ALOX12: variants seen among roughly 807,000 people sequenced by gnomAD.
ALOX12 encodes arachidonate 12-lipoxygenase, 12S type.
A neutral mutation model predicts 85.5 loss-of-function variants in ALOX12; 62 were observed. That is an observed-to-expected ratio of 0.73 (90% CI 0.59 to 0.90). The LOEUF (loss-of-function observed/expected upper bound fraction) is 0.90. ALOX12 is among the 40% of genes least tolerant of loss of function. The pLI, the probability that ALOX12 is intolerant of heterozygous loss-of-function variation, is 0.00. For missense variants in ALOX12, 751 were observed against 856.5 expected (o/e 0.88, Z 1.54); for synonymous variants, 299 against 332.7 (o/e 0.90, Z 1.10).
At position 7,000,621 on chromosome 17, in the gene ALOX12, C is replaced by T; in HGVS notation, c.951+142C>T. The stretch of plus-strand genomic sequence containing the variant: ...TCTTCATGTCACTATTTGCCTGTAC[C>T]CTCGTCTCCCCTGCCTCATCCAACT... On this transcript the variant is annotated intron_variant, in intron 7 of 13. Transcript: ENST00000251535. This position sits in a 1 kb window ranked among gnomAD's most constrained non-coding sequence, Gnocchi z 4.6. 1.1e-6 allele frequency: 1 copy of T among 948,520 alleles called. No individual in the cohort carries two copies. The highest frequency in any genetic ancestry group is 1.6e-6 in the Non-Finnish European group (1 of 638,270). 58.8% of individuals were successfully genotyped at this position (948,520 alleles called of 1,614,324 possible).
chr17:7,004,049 T>C (rs1461128192), intron 8 of ALOX12, among the ~76,000 whole-genome samples: 4 of 124,322 alleles, frequency 3.2e-5, no homozygotes, highest in Non-Finnish European at 5.0e-5. Flanking sequence ...AATATTTTAA[T>C]ATTTTTAATT....
intron 8 of ALOX12, among the ~76,000 whole-genome samples, chr17:7,003,170 C>A (rs1177529410): frequency 6.6e-6 from 1 of 152,214 alleles, no homozygotes; most frequent in African/African-American, 2.4e-5. Flanking sequence ...CAGTCCTCTC[C>A]GTGTCTCCAC....
intron 8 of ALOX12, chr17:7,002,402 C>T: frequency 2.3e-6 from 1 of 434,854 alleles, no homozygotes; most frequent in Non-Finnish European, 4.7e-6. Flanking sequence ...CTGCAGCGTG[C>T]CTGGGTGCAA....
In ALOX12 at chr17:7,010,590, T is replaced by A; in HGVS notation, c.*167T>A. 1 of 811,478 alleles carries A rather than the reference T, an allele frequency of 1.2e-6. No individual in the cohort carries two copies. 50.3% of individuals were successfully genotyped at this position (811,478 alleles called of 1,614,324 possible). A position where few individuals can be genotyped will look rare whatever the true frequency, so the allele number is the denominator to read the frequency against. On this transcript the variant is annotated 3_prime_UTR_variant, in exon 14 of 14. Coordinates refer to ENST00000251535, the MANE Select transcript of ALOX12 (RefSeq NM_000697.3). Reference sequence around the variant, plus strand: ...TAGCCCAGGGGAGCAGTAAACTTTCTCTGCAAAGACTAGATCCTTTTTTAC... The same window carrying A: ...TAGCCCAGGGGAGCAGTAAACTTTCACTGCAAAGACTAGATCCTTTTTTAC...
rs560039777 is a variant in ALOX12 at position 7,010,627 on chromosome 17, C to T, written c.*204C>T. The T allele has an allele frequency of 2.1e-5, 12 of 572,722 alleles. No homozygotes were observed. Among genetic ancestry groups the T allele is most frequent in the East Asian group, 6.1e-5 (2 of 32,974 alleles). The allele number at this position is 572,722 out of a possible 1,614,324, so 35.5% of individuals were successfully genotyped here. On this transcript the variant is annotated 3_prime_UTR_variant, in exon 14 of 14. Coordinates refer to ENST00000251535, the MANE Select transcript of ALOX12 (RefSeq NM_000697.3). ...AGATCCTTTTTTACGCTTTGCAGAC[C>T]GCATAGTCACTGTCTCAACTACTCA... is the stretch of plus-strand genomic sequence containing the variant.
At chr17:7,001,998 G>A (rs1908736944) in intron 8 of ALOX12, 187 bp downstream of exon 8, 1 of 602,864 alleles carries the variant, frequency 1.7e-6, no homozygotes, top group Admixed American at 3.1e-5. Context: ...CATTATATAG[G>A]AATCCTCTGA....
Position 6,999,654 on chromosome 17 carries a change from G to C in ALOX12, c.807+188G>C, listed in dbSNP as rs375234511. The stretch of plus-strand genomic sequence containing the variant: ...ACTATGAGGAGCTCCCAGCAGGAAG[G>C]GGAAAATAGAATGGATCCCCAGCAC... On this transcript the variant is annotated intron_variant, in intron 6 of 13. Coordinates refer to ENST00000251535, the MANE Select transcript of ALOX12 (RefSeq NM_000697.3). 13 of 608,136 alleles carry C rather than the reference G, an allele frequency of 2.1e-5. No individual in the cohort carries two copies. In the East Asian group the frequency reaches 2.4e-4, roughly 11 times the overall value. The allele number at this position is 608,136 out of a possible 1,614,324, so 37.7% of individuals were successfully genotyped here.
chr17:7,010,522 T>C lies in ALOX12; in HGVS notation c.*99T>C. 7.1e-7 allele frequency: 1 copy of C among 1,409,672 alleles called. No individual in the cohort carries two copies. Among genetic ancestry groups the C allele is most frequent in the South Asian group, 1.4e-5 (1 of 69,516 alleles). 87.3% of individuals were successfully genotyped at this position (1,409,672 alleles called of 1,614,324 possible). ...TTCCTAAAGTCTCTGCTGCTAAGGC[T>C]CTATTTCCTCCCCCAGTTAAACCCC... On this transcript the variant is annotated 3_prime_UTR_variant, in exon 14 of 14. Coordinates refer to ENST00000251535, the MANE Select transcript of ALOX12 (RefSeq NM_000697.3).
At chr17:7,006,267 C>T (rs1752229119) in intron 10 of ALOX12, among the ~76,000 whole-genome samples, 1 of 151,818 alleles carries the variant, frequency 6.6e-6, no homozygotes, top group Admixed American at 6.6e-5. Context: ...CTGGAAAAAT[C>T]AGGATTTTCT....
intron 11 of ALOX12, among the ~76,000 whole-genome samples, chr17:7,009,187 G>A (rs1298937532): frequency 1.3e-5 from 2 of 151,662 alleles, no homozygotes; most frequent in African/African-American, 2.4e-5. Flanking sequence ...AGCCTCCCGA[G>A]TACCTGGGAC....
chr17:7,006,070 G>GGGGGGGGGGT, intron 10 of ALOX12, 43 bp downstream of exon 10: 1 of 166,568 alleles, frequency 6.0e-6, no homozygotes. Flanking sequence ...CGGGGGGGGG[G>GGGGGGGGGGT]GGGGCTCTGG....
intron 2 of ALOX12, chr17:6,997,267 T>A: frequency 2.1e-6 from 1 of 469,206 alleles, no homozygotes; most frequent in Non-Finnish European, 2.8e-6. Flanking sequence ...GATCTGGAGA[T>A]CCCATCTTCC....
At chr17:6,996,350 G>T in intron 1 of ALOX12, 98 bp downstream of exon 1, 1 of 1,193,504 alleles carries the variant, frequency 8.4e-7, no homozygotes, top group Non-Finnish European at 1.0e-6. Flanking sequence ...GGCTGGGGGC[G>T]AGGTGACAGC....
intron 7 of ALOX12, 166 bp from the exon 8 acceptor site, chr17:7,001,435 AG>A: frequency 1.4e-6 from 1 of 692,424 alleles, no homozygotes; most frequent in South Asian, 1.8e-5. Context: ...ACCTGACATC[AG>A]GGCACTCCAG....
intron 8 of ALOX12, chr17:7,002,270 G>A: frequency 2.9e-6 from 1 of 339,070 alleles, no homozygotes; most frequent in Non-Finnish European, 5.7e-6. Flanking sequence ...AGGCAAGGAA[G>A]AACAGCCAGC....
intron 8 of ALOX12, among the ~76,000 whole-genome samples, chr17:7,004,548 T>C (rs2151643617): frequency 6.7e-6 from 1 of 150,072 alleles, no homozygotes; most frequent in Admixed American, 6.6e-5. Flanking sequence ...AGGAAAATAT[T>C]TTAATATTAA....
chr17:6,999,424 G>A lies in ALOX12; in HGVS notation c.765G>A (p.Ser255=), dbSNP rs1042356. The A allele has an allele frequency of 0.58, 941,387 of 1,613,090 alleles. 276,300 individuals carry two copies. Among genetic ancestry groups the A allele is most frequent in the Admixed American group, 0.69 (41,252 of 60,002 alleles). Reference sequence around the variant, plus strand: ...TGCCCTCCAGGCTAGTGCTGCCCTCGGGGATGGAAGAGCTTCAGGCTCAAC... The same window carrying A: ...TGCCCTCCAGGCTAGTGCTGCCCTCAGGGATGGAAGAGCTTCAGGCTCAAC... ...TSLPSRLVLP[S]GMEELQAQLE... Residue 255 remains serine (S), a synonymous_variant, in exon 6 of 14, where the codon TCG becomes TCA. Coordinates refer to ENST00000251535, the MANE Select transcript of ALOX12 (RefSeq NM_000697.3).
rs1364468834 is a variant in ALOX12, at chr17:7,000,420, G to GC, written c.898dup (p.Leu300ProfsTer70). On this transcript the variant is annotated frameshift_variant, in exon 7 of 14. Transcript: ENST00000251535. LOFTEE classifies it high-confidence loss of function. This position sits in a 1 kb window ranked among gnomAD's most constrained non-coding sequence, Gnocchi z 4.6. ...CCGAGGAGAGAAGCAATACCTGGCTGCCCCCCTCGTTATGCTGAAGATGGA... is the reference window on the plus strand; with the variant it reads ...CCGAGGAGAGAAGCAATACCTGGCTGCCCCCCCTCGTTATGCTGAAGATGGA... The GC allele has an allele frequency of 1.2e-6, 2 of 1,613,976 alleles. No individual in the cohort carries two copies. The highest frequency in any genetic ancestry group is 2.2e-5 in the East Asian group (1 of 44,894).
rs1908414031 is a variant in ALOX12, at chr17:6,996,102, G to C, written c.-16G>C. 9.6e-6 allele frequency: 12 copies of C among 1,246,456 alleles called. 1 individual carries two copies. Among genetic ancestry groups the C allele is most frequent in the Non-Finnish European group, 1.2e-5 (12 of 988,682 alleles). The allele number at this position is 1,246,456 out of a possible 1,614,324, so 77.2% of individuals were successfully genotyped here. A position where few individuals can be genotyped will look rare whatever the true frequency, so the allele number is the denominator to read the frequency against. On this transcript the variant is annotated 5_prime_UTR_variant, in exon 1 of 14. Coordinates refer to ENST00000251535, the MANE Select transcript of ALOX12 (RefSeq NM_000697.3). The stretch of plus-strand genomic sequence containing the variant: ...ACAGGACCCGGCTCCCCTCGCCTAA[G>C]CTGCTGGGGGGCGCCATGGGCCGCT...
Sources: allele counts gnomAD v4.1 joint callset (sites outside exome capture counted in the v4.1 genomes callset), GRCh38; gene constraint gnomAD v4.1.1; non-coding constraint Gnocchi (gnomAD v3.1); transcripts MANE v1.5; gene names NCBI Gene and HGNC (gene_info 2026-07-23, HGNC 2026-07-21).